The following PDE1C variants were observed in gnomAD, a reference collection of about 807,000 sequenced individuals.
PDE1C encodes dual specificity calcium/calmodulin-dependent 3',5'-cyclic nucleotide phosphodiesterase 1C.
PDE1C carries 62 observed loss-of-function variants against 93.1 expected under a neutral mutation model. The ratio of observed to expected loss-of-function variants is 0.67; its 90% CI spans 0.54 to 0.82. The LOEUF is 0.82. Among genes scored for constraint, PDE1C ranks in the 40% least tolerant of loss-of-function variants. The pLI is 0.00. For missense variants in PDE1C, 742 were observed against 884.6 expected, an observed-to-expected ratio of 0.84 and a Z score of 2.04; for synonymous variants, 325 against 310.1, an observed-to-expected ratio of 1.05 and a Z score of -0.50.
chr7:32,091,094 T>G (rs1277323765), intron 3 of PDE1C, among the ~76,000 whole-genome samples: 2 of 152,226 alleles, frequency 1.3e-5, no homozygotes, highest in Admixed American at 1.3e-4. Context: ...GCCTTTCATA[T>G]TCACCTATCT....
intron 1 of PDE1C, among the ~76,000 whole-genome samples, chr7:32,358,906 T>C (rs547271498): frequency 2.6e-5 from 4 of 152,008 alleles, no homozygotes; most frequent in African/African-American, 9.6e-5. Flanking sequence ...TCTGTGTGTG[T>C]GTGTGTGTGT....
chr7:32,012,592 C>T lies in PDE1C; in HGVS notation c.128+38962G>A, dbSNP rs192020573. On this transcript the variant is annotated intron_variant, in intron 2 of 17. Coordinates refer to ENST00000396191, the MANE Select transcript of PDE1C (RefSeq NM_001191057.4). ...TGACAGTGCTGGAAAGCAGATAATTCGTTGCCTGGGGATAGGCATATGGGG... is the reference window on the plus strand; with the variant it reads ...TGACAGTGCTGGAAAGCAGATAATTTGTTGCCTGGGGATAGGCATATGGGG... Among the ~76,000 whole-genome samples the T allele has an allele frequency of 1.9e-3, 286 of 152,176 alleles. 1 individual carries two copies. The highest frequency in any genetic ancestry group is 6.3e-3 in the African/African-American group (261 of 41,514).
chr7:32,040,887 C>G (rs1245042030), intron 2 of PDE1C, among the ~76,000 whole-genome samples: 1 of 152,098 alleles, frequency 6.6e-6, no homozygotes, highest in Non-Finnish European at 1.5e-5. Context: ...CCCCAAAAGA[C>G]AGTCACCAAT....
intron 2 of PDE1C, among the ~76,000 whole-genome samples, chr7:32,036,876 C>A (rs931889687): frequency 5.3e-5 from 8 of 152,150 alleles, no homozygotes; most frequent in African/African-American, 1.9e-4. Context: ...ACAGCTCTCA[C>A]TCGGACCTAC....
intron 1 of PDE1C, among the ~76,000 whole-genome samples, chr7:32,357,103 C>T (rs772717246): frequency 4.6e-5 from 7 of 152,102 alleles, no homozygotes; most frequent in Non-Finnish European, 7.4e-5. Flanking sequence ...GGAGGCCAGG[C>T]GGGTGGATCA....
chr7:32,298,517 T>C, intron 1 of PDE1C: 3 of 1,103,480 alleles, frequency 2.7e-6, no homozygotes, highest in Non-Finnish European at 3.8e-6. Context: ...TCCCGGGGGC[T>C]CCCGCCCGGA....
intron 1 of PDE1C, among the ~76,000 whole-genome samples, chr7:32,215,268 G>C (rs1419155970): frequency 6.6e-6 from 1 of 152,166 alleles, no homozygotes; most frequent in Non-Finnish European, 1.5e-5. Flanking sequence ...GAGGGATCTA[G>C]GCTGCATGTG....
At chr7:32,095,969 C>T (rs1797729461) in intron 3 of PDE1C, among the ~76,000 whole-genome samples, 3 of 152,148 alleles carry the variant, frequency 2.0e-5, no homozygotes, top group Admixed American at 2.0e-4. Flanking sequence ...TATTATGTTG[C>T]ATATAATTAG....
intron 1 of PDE1C, among the ~76,000 whole-genome samples, chr7:32,228,203 A>G (rs1469601041): frequency 6.6e-6 from 1 of 152,234 alleles, no homozygotes; most frequent in Non-Finnish European, 1.5e-5. Context: ...CAAACTTTGA[A>G]GAACAAAAAG....
chr7:31,896,588 A>T (rs2128911051), intron 2 of PDE1C, among the ~76,000 whole-genome samples: 1 of 152,354 alleles, frequency 6.6e-6, no homozygotes, highest in South Asian at 2.1e-4. Context: ...TAGGAAAAAA[A>T]GACAGAAGAT....
chr7:32,252,993 C>T (rs1459476613), intron 1 of PDE1C, among the ~76,000 whole-genome samples: 1 of 152,100 alleles, frequency 6.6e-6, no homozygotes, highest in African/African-American at 2.4e-5. Flanking sequence ...GGACAGGAAG[C>T]CATCAAAGGG....
chr7:31,681,145 A>G, the PDE1C span, among the ~76,000 whole-genome samples: 31 of 152,132 alleles, frequency 2.0e-4, no homozygotes, highest in Non-Finnish European at 4.0e-4. Context: ...CTACAGACAG[A>G]TTGGAATTTT....
chr7:31,828,500 A>G, intron 11 of PDE1C, 127 bp from the exon 12 acceptor site: 2 of 614,208 alleles, frequency 3.3e-6, no homozygotes, highest in African/African-American at 1.8e-5. Flanking sequence ...ACATTATAAA[A>G]TAAGTCTTTA....
Position 31,875,635 on chromosome 7 carries a change from C to T in PDE1C, c.493-2227G>A, listed in dbSNP as rs542776986. 2.0e-4 allele frequency among the ~76,000 whole-genome samples: 31 copies of T among 151,386 alleles called. No homozygotes were observed. In the South Asian group the frequency reaches 5.5e-3, roughly 27 times the overall value. On this transcript the variant is annotated intron_variant, in intron 5 of 17. Coordinates refer to ENST00000396191, the MANE Select transcript of PDE1C (RefSeq NM_001191057.4). ...AGTCTAACACAAAGGAAGCGTGAAC[C>T]TCCTCATCTCCTCCCACTTTAAGCC...
At chr7:32,166,543 G>GAA (rs1391272039) in intron 3 of PDE1C, among the ~76,000 whole-genome samples, 1 of 152,194 alleles carries the variant, frequency 6.6e-6, no homozygotes, top group Non-Finnish European at 1.5e-5. Flanking sequence ...GGATAAGAGG[G>GAA]AAGACTGTCA....
At position 32,174,875 on chromosome 7, in the gene PDE1C, A is replaced by C. The variant is rs1802881999; in HGVS notation, c.137-4919T>G. Among the ~76,000 whole-genome samples, 5 of 152,256 alleles carry C rather than the reference A, an allele frequency of 3.3e-5. No individual in the cohort carries two copies. In the South Asian group the frequency reaches 1.0e-3, roughly 32 times the overall value. ...GTGCCATGCATTTAACTGTGGGTGA[A>C]ATTACATCTTACCCATAAATATGTA... On this transcript the variant is annotated intron_variant, in intron 2 of 18. Transcript: ENST00000396193.
chr7:31,798,979 T>C (rs766085683), intron 16 of PDE1C, among the ~76,000 whole-genome samples: 1 of 151,738 alleles, frequency 6.6e-6, no homozygotes, highest in Non-Finnish European at 1.5e-5. Context: ...TCCTAAGTAG[T>C]ATGGGGACAT....
chr7:32,387,431 T>C (rs1198381459), intron 1 of PDE1C, among the ~76,000 whole-genome samples: 1 of 151,020 alleles, frequency 6.6e-6, no homozygotes, highest in African/African-American at 2.4e-5. Context: ...GAGGGGCTCC[T>C]CACTTCCCAG....
intron 3 of PDE1C, among the ~76,000 whole-genome samples, chr7:32,083,499 A>C (rs1303900565): frequency 6.6e-6 from 1 of 152,148 alleles, no homozygotes; most frequent in Non-Finnish European, 1.5e-5. Context: ...AAATACAGAG[A>C]ATGCCACAAA....
Sources: allele counts gnomAD v4.1 joint callset (sites outside exome capture counted in the v4.1 genomes callset), GRCh38; gene constraint gnomAD v4.1.1; transcripts MANE v1.5; gene names NCBI Gene and HGNC (gene_info 2026-07-23, HGNC 2026-07-21).